POLRMT: variants seen among roughly 807,000 people sequenced by gnomAD.
The protein encoded by POLRMT is DNA-directed RNA polymerase, mitochondrial.
Under a neutral mutation model 132.2 loss-of-function variants are expected in POLRMT, and 114 were observed. The observed-to-expected ratio is 0.86, with a 90% CI of 0.74 to 1.01. POLRMT has a LOEUF of 1.01. Among genes scored for constraint, POLRMT ranks in the 50% least tolerant of loss-of-function variants. The probability of loss-of-function intolerance (pLI) is 0.00; values close to 1 mark genes in which losing one functional copy is unlikely to be tolerated. For synonymous variants in POLRMT, 1,020 were observed against 773.4 expected (o/e 1.32, Z -5.29); for missense variants, 2,003 against 1,729.1 (o/e 1.16, Z -2.81).
rs1418335682 is a variant in POLRMT at position 632,869 on chromosome 19, C to T, written c.158G>A (p.Arg53His). Residue 53 changes from arginine to histidine, a missense_variant, in exon 2 of 21, where the codon CGC (arginine) becomes CAC (histidine). By Grantham distance (29) the Arg-to-His change is conservative. Transcript: ENST00000588649. Reference sequence around the variant, plus strand: ...CTCCACGTGGCCCCAGTCCTTCCTGCGGTCTTGGTCTTGCTCCTGGGGGCT... The same window carrying T: ...CTCCACGTGGCCCCAGTCCTTCCTGTGGTCTTGGTCTTGCTCCTGGGGGCT... Reference protein sequence around the residue: ...SASPQEQDQDRRKDWGHVELL... With the variant: ...SASPQEQDQDHRKDWGHVELL... 3 of 1,551,154 alleles carry T rather than the reference C, an allele frequency of 1.9e-6. No individual in the cohort carries two copies. The highest frequency in any genetic ancestry group is 1.7e-6 in the Non-Finnish European group (2 of 1,151,912).
rs550145648 is a variant in POLRMT at position 624,690 on chromosome 19, G to A, written c.1140+29C>T. The stretch of plus-strand genomic sequence containing the variant: ...CCCCCAAAGGGCAGCTATAAGGACT[G>A]AAGTCTGCCGGGGCCCACGTGGGCT... On this transcript the variant is annotated intron_variant, in intron 5 of 20. Transcript: ENST00000588649. 12 of 1,601,364 alleles carry A rather than the reference G, an allele frequency of 7.5e-6. No homozygotes were observed. In the East Asian group the frequency reaches 2.2e-4, roughly 30 times the overall value.
intron 1 of POLRMT, 29 bp from the exon 2 acceptor site, chr19:632,967 G>GGAAAGA (rs1408276248): frequency 6.8e-7 from 1 of 1,460,658 alleles, no homozygotes; most frequent in South Asian, 1.3e-5. Context: ...CGGCTGAGCG[G>GGAAAGA]GGCCGGGCGT....
intron 20 of POLRMT, 45 bp downstream of exon 20, chr19:617,374 G>A (rs779664613): frequency 1.4e-5 from 23 of 1,612,288 alleles, no homozygotes; most frequent in South Asian, 5.5e-5. Flanking sequence ...GCCCCGCCCT[G>A]GCCCGCAGTT....
In POLRMT at chr19:621,420, G is replaced by A. The variant is rs777920611; in HGVS notation, c.2278C>T (p.Arg760Cys). 7.4e-5 allele frequency: 110 copies of A among 1,486,184 alleles called. No homozygotes were observed. Among genetic ancestry groups the A allele is most frequent in the Middle Eastern group, 2.4e-4 (1 of 4,224 alleles). The allele number at this position is 1,486,184 out of a possible 1,614,324, so 92.1% of individuals were successfully genotyped here. ...AAPARKAELR[R>C]ELAHCQKVAR... ...ACCTTCTGGCAGTGCGCCAGCTCAC[G>A]GCGCAGCTCGGCCTTGCGGGCGGGC... The change falls in exon 10 of 21, where the codon CGT becomes TGT. Residue 760 changes from arginine to cysteine, a missense_variant. Coordinates refer to ENST00000588649, the MANE Select transcript of POLRMT (RefSeq NM_005035.4).
rs898904300 is a variant in POLRMT at position 633,433 on chromosome 19, C to A, written c.80G>T (p.Gly27Val). ...GTCTCCCTTTGTGTTACCTTCTTTG[C>A]CGGGGAGTCCCGGGCGGCCGCAAGG... ...LRPCGRPGLP[G>V]KEGTAGGVCG... is the part of the protein sequence containing the mutation. The change falls in exon 1 of 21, where the codon GGC (glycine) becomes GTC (valine). Residue 27 changes from glycine (G) to valine (V), a missense_variant. Physicochemically the swap from Gly to Val is moderately radical, Grantham distance 109 (BLOSUM62 -3). Coordinates refer to ENST00000588649, the MANE Select transcript of POLRMT (RefSeq NM_005035.4). 2 of 1,549,262 alleles carry A rather than the reference C, an allele frequency of 1.3e-6. No homozygotes were observed. Among genetic ancestry groups the A allele is most frequent in the African/African-American group, 1.4e-5 (1 of 69,940 alleles).
intron 3 of POLRMT, among the ~76,000 whole-genome samples, chr19:626,898 C>CACACACAT (rs371959370): frequency 6.8e-6 from 1 of 146,736 alleles, no homozygotes; most frequent in African/African-American, 2.5e-5. Context: ...CACACACACA[C>CACACACAT]ATATATATAT....
intron 13 of POLRMT, 129 bp downstream of exon 13, chr19:619,457 C>T: frequency 7.1e-7 from 1 of 1,407,878 alleles, no homozygotes; most frequent in African/African-American, 1.4e-5. Context: ...CGCCCAAGCC[C>T]TAACAGGCAG....
At chr19:625,006 C>G (rs1984921090) in intron 4 of POLRMT, 101 bp from the exon 5 acceptor site, 1 of 1,517,952 alleles carries the variant, frequency 6.6e-7, no homozygotes, top group Non-Finnish European at 8.9e-7. Context: ...GCCTGCAGGT[C>G]TCGGTGTGGC....
rs758721890 is a variant in POLRMT at position 621,494 on chromosome 19, G to A, written c.2204C>T (p.Pro735Leu). 2.9e-6 allele frequency: 4 copies of A among 1,371,108 alleles called. No individual in the cohort carries two copies. The highest frequency in any genetic ancestry group is 2.8e-6 in the Non-Finnish European group (3 of 1,070,502). 84.9% of individuals were successfully genotyped at this position (1,371,108 alleles called of 1,614,324 possible). A position where few individuals can be genotyped will look rare whatever the true frequency, so the allele number is the denominator to read the frequency against. The part of the protein sequence containing the change: ...GCPQLGVPAP[P>L]SEAPQPPEAH... ...CTCGGGCGGCTGGGGCGCCTCGGAG[G>A]GCGGGGCCGGCACGCCTAGCTGGGG... The change falls in exon 10 of 21, where the codon CCC becomes CTC. Residue 735 changes from proline (P) to leucine (L), a missense_variant. Pro to Leu is a moderately conservative substitution (Grantham distance 98). Transcript: ENST00000588649.
chr19:622,059 A>G, intron 9 of POLRMT, 90 bp downstream of exon 9: 1 of 1,292,092 alleles, frequency 7.7e-7, no homozygotes, highest in Non-Finnish European at 1.0e-6. Context: ...CTGCGCTGAG[A>G]TCAAGGCTCC....
intron 3 of POLRMT, among the ~76,000 whole-genome samples, chr19:629,132 C>T (rs1985226456): frequency 6.6e-6 from 1 of 152,096 alleles, no homozygotes; most frequent in Non-Finnish European, 1.5e-5. Flanking sequence ...CCAGTGAACA[C>T]CCACATTTCA....
chr19:621,017 G>A lies in POLRMT; in HGVS notation c.2640+41C>T, dbSNP rs1480949999. ...GCGGGGGCGCCGGGGGAGGGCGCGGGGGTGCCGGGAGGGCGGGGAATGCGG... is the reference window on the plus strand; with the variant it reads ...GCGGGGGCGCCGGGGGAGGGCGCGGAGGTGCCGGGAGGGCGGGGAATGCGG... On this transcript the variant is annotated intron_variant, in intron 10 of 20. Transcript: ENST00000588649. 3 of 1,043,274 alleles carry A rather than the reference G, an allele frequency of 2.9e-6. 1 individual carries two copies. The highest frequency in any genetic ancestry group is 2.4e-6 in the Non-Finnish European group (2 of 828,552). The allele number at this position is 1,043,274 out of a possible 1,614,324, so 64.6% of individuals were successfully genotyped here. A position where few individuals can be genotyped will look rare whatever the true frequency, so the allele number is the denominator to read the frequency against.
rs370872878 is a variant in POLRMT at position 617,458 on chromosome 19, T to C, written c.3604A>G (p.Ser1202Gly). The C allele has an allele frequency of 2.5e-6, 4 of 1,576,998 alleles. No individual in the cohort carries two copies. The African/African-American group carries it at 5.4e-5, about 21-fold the overall frequency. ...GCCTGCAGTGTCTCCTTCAGCTGGC[T>C]GGCCTCCAAGATCTTCTGGGGCCTG... is the stretch of plus-strand genomic sequence containing the variant. Reference protein sequence around the residue: ...CSEPQKILEASQLKETLQAVP... With the variant: ...CSEPQKILEAGQLKETLQAVP... The change falls in exon 20 of 21, where the codon AGC becomes GGC. Residue 1202 changes from serine to glycine, a missense_variant. Ser to Gly is a moderately conservative substitution (Grantham distance 56). Transcript: ENST00000588649.
chr19:620,608 GGACGCATGTGGGCGAGA>G, intron 10 of POLRMT, 121 bp from the exon 11 acceptor site: 1 of 1,257,010 alleles, frequency 8.0e-7, no homozygotes, highest in Non-Finnish European at 1.1e-6. Flanking sequence ...AGTGAACACG[GGACGCATGTGGGCGAGA>G]GACGGGGCGG....
At chr19:625,357 G>A (rs997216207) in intron 3 of POLRMT, 103 bp from the exon 4 acceptor site, 5 of 1,500,308 alleles carry the variant, frequency 3.3e-6, no homozygotes, top group South Asian at 1.3e-5. Flanking sequence ...CTCAGCAGGG[G>A]ACAGGGTCAC....
intron 10 of POLRMT, 68 bp downstream of exon 10, chr19:620,990 G>T: frequency 8.4e-7 from 1 of 1,191,722 alleles, no homozygotes; most frequent in South Asian, 1.6e-5. Context: ...CCGGGGGAGG[G>T]CGCGGGGGCG....
chr19:629,081 G>A (rs1273552460), intron 3 of POLRMT, among the ~76,000 whole-genome samples: 7 of 152,110 alleles, frequency 4.6e-5, no homozygotes, highest in Non-Finnish European at 8.8e-5. Context: ...AACGAAGATG[G>A]GTGGGATACA....
At chr19:623,932 T>A (rs571436688) in intron 5 of POLRMT, among the ~76,000 whole-genome samples, 2 of 152,180 alleles carry the variant, frequency 1.3e-5, no homozygotes, top group Non-Finnish European at 2.9e-5. Flanking sequence ...AACTCAGAAC[T>A]GTATGAATGT....
At position 629,638 on chromosome 19, in the gene POLRMT, C is replaced by T. The variant is rs764807561; in HGVS notation, c.724G>A (p.Ala242Thr). 3.7e-6 allele frequency: 6 copies of T among 1,609,946 alleles called. No homozygotes were observed. Among genetic ancestry groups the T allele is most frequent in the African/African-American group, 1.3e-5 (1 of 74,808 alleles). The change falls in exon 3 of 21, where the codon GCC (alanine) becomes ACC (threonine). Residue 242 changes from alanine to threonine, a missense_variant. Coordinates refer to ENST00000588649, the MANE Select transcript of POLRMT (RefSeq NM_005035.4). ...CCLLTDQLPL[A>T]HHLLVVHHGQ... is the part of the protein sequence containing the mutation. ...TGGTGGACGACCAGCAGGTGGTGGG[C>T]GAGGGGCAGCTGGTCAGTGAGCAGG...
Sources: gnomAD v4.1 joint callset for allele counts (sites outside exome capture counted in the v4.1 genomes callset) on GRCh38, gnomAD v4.1.1 for gene constraint, MANE v1.5 for transcripts, NCBI Gene and HGNC (gene_info 2026-07-23, HGNC 2026-07-21) for gene names.